The following SIRPG variants were observed in gnomAD, a reference collection of about 807,000 sequenced individuals.
The protein encoded by SIRPG is signal regulatory protein gamma, also known as signal-regulatory protein gamma.
SIRPG carries 38 observed loss-of-function variants against 35.7 expected under a neutral mutation model. The observed-to-expected ratio is 1.06, with a 90% CI of 0.82 to 1.40. SIRPG has a LOEUF of 1.40. Among genes scored for constraint, SIRPG ranks in the 40% most tolerant of loss-of-function variants. The probability of loss-of-function intolerance (pLI) is 0.00; values close to 1 mark genes in which losing one functional copy is unlikely to be tolerated. For missense variants in SIRPG, 519 were observed against 483.0 expected, an observed-to-expected ratio of 1.07 and a Z score of -0.70; for synonymous variants, 215 against 190.4, an observed-to-expected ratio of 1.13 and a Z score of -1.06.
At chr20:1,650,476 T>C (rs2091933932) in intron 1 of SIRPG, among the ~76,000 whole-genome samples, 1 of 151,632 alleles carries the variant, frequency 6.6e-6, no homozygotes, top group Admixed American at 6.6e-5. Flanking sequence ...AGTAGAGGGG[T>C]TCCCCAACAG....
At chr20:1,672,063 A>G in the SIRPG span, among the ~76,000 whole-genome samples, 1 of 152,206 alleles carries the variant, frequency 6.6e-6, no homozygotes. Flanking sequence ...ACAGGGAACA[A>G]TGGTGAAGTG....
chr20:1,679,345 C>T, the SIRPG span, among the ~76,000 whole-genome samples: 10 of 152,188 alleles, frequency 6.6e-5, no homozygotes, highest in Admixed American at 6.5e-4. Context: ...GAGCACCCTA[C>T]CAAATGACCA....
At chr20:1,636,050 A>C (rs2066109050) in intron 3 of SIRPG, 138 bp downstream of exon 3, 1 of 1,236,248 alleles carries the variant, frequency 8.1e-7, no homozygotes, top group Non-Finnish European at 1.1e-6. Context: ...TGACCAGCAC[A>C]CCTAGGTGCA....
the SIRPG span, among the ~76,000 whole-genome samples, chr20:1,680,175 T>C: frequency 6.6e-6 from 1 of 152,136 alleles, no homozygotes; most frequent in Non-Finnish European, 1.5e-5. Flanking sequence ...CAAAAATACC[T>C]CTTCTCTATA....
chr20:1,647,055 T>G (rs2091903107), intron 2 of SIRPG: 1 of 152,408 alleles, frequency 6.6e-6, no homozygotes, highest in Non-Finnish European at 1.5e-5. Context: ...TGAGTGAGTG[T>G]TGCAGAGACA....
the SIRPG span, among the ~76,000 whole-genome samples, chr20:1,685,674 A>C: frequency 2.7e-4 from 41 of 152,274 alleles, no homozygotes; most frequent in African/African-American, 9.6e-4. Flanking sequence ...CTTAAAGAGG[A>C]AGAGGGCACA....
intron 2 of SIRPG, among the ~76,000 whole-genome samples, chr20:1,644,726 C>G (rs188376221): frequency 7.5e-4 from 114 of 152,314 alleles, no homozygotes; most frequent in Middle Eastern, 3.4e-3. Context: ...GAGGGTTGCA[C>G]AGTTCTGTGG....
chr20:1,663,509 T>C, the SIRPG span, among the ~76,000 whole-genome samples: 1 of 152,178 alleles, frequency 6.6e-6, no homozygotes, highest in Non-Finnish European at 1.5e-5. Flanking sequence ...ACTGTCAAAC[T>C]TTAAGGAATT....
chr20:1,635,159 A>C, intron 4 of SIRPG, 108 bp downstream of exon 4: 1 of 919,060 alleles, frequency 1.1e-6, no homozygotes, highest in Non-Finnish European at 1.6e-6. Flanking sequence ...GCTGACATTA[A>C]AATTTTACTT....
At chr20:1,640,334 A>G (rs1332763502) in intron 2 of SIRPG, among the ~76,000 whole-genome samples, 1 of 151,970 alleles carries the variant, frequency 6.6e-6, no homozygotes, top group African/African-American at 2.4e-5. Flanking sequence ...ATCCCTTGTA[A>G]GTTGTATTCC....
At chr20:1,630,455 C>A (rs917329810) in intron 4 of SIRPG, 149 bp from the exon 5 acceptor site, 1 of 619,514 alleles carries the variant, frequency 1.6e-6, no homozygotes, top group South Asian at 2.0e-5. Flanking sequence ...CACTCCAGCA[C>A]AAGGCAGAAG....
chr20:1,668,216 TTTC>T, the SIRPG span, among the ~76,000 whole-genome samples: 30 of 49,848 alleles, frequency 6.0e-4, no homozygotes, highest in South Asian at 1.3e-3. Flanking sequence ...TCTTTCTTTC[TTTC>T]TTTCTTTCTT....
chr20:1,676,781 GC>G, the SIRPG span: 2 of 216,094 alleles, frequency 9.3e-6, no homozygotes. Flanking sequence ...CACTGGACAG[GC>G]CCCACAGGGA....
intron 1 of SIRPG, among the ~76,000 whole-genome samples, chr20:1,654,779 C>A (rs2091964819): frequency 6.6e-6 from 1 of 152,098 alleles, no homozygotes; most frequent in Non-Finnish European, 1.5e-5. Flanking sequence ...ATTTGCAAAC[C>A]ATACATCTGA....
intron 1 of SIRPG, among the ~76,000 whole-genome samples, chr20:1,656,738 T>A (rs2091978498): frequency 6.6e-6 from 1 of 152,148 alleles, no homozygotes; most frequent in African/African-American, 2.4e-5. Flanking sequence ...AAAGTCAAGA[T>A]GACCAAGGGA....
At chr20:1,642,703 G>T (rs967675608) in intron 2 of SIRPG, among the ~76,000 whole-genome samples, 2 of 152,138 alleles carry the variant, frequency 1.3e-5, no homozygotes, top group African/African-American at 4.8e-5. Context: ...TGCAGTGGCT[G>T]GTACCGGTTT....
chr20:1,661,341 C>T (rs574213381), upstream of SIRPG, among the ~76,000 whole-genome samples: 1 of 152,258 alleles, frequency 6.6e-6, no homozygotes, highest in East Asian at 1.9e-4. Flanking sequence ...AATATGACCC[C>T]AGTAAGGGTC....
chr20:1,672,523 G>A, the SIRPG span, among the ~76,000 whole-genome samples: 1 of 152,170 alleles, frequency 6.6e-6, no homozygotes, highest in Non-Finnish European at 1.5e-5. Flanking sequence ...TCATCCTGGA[G>A]TACTTTAAGT....
At chr20:1,632,768 T>C (rs1161172675) in intron 4 of SIRPG, among the ~76,000 whole-genome samples, 1 of 151,734 alleles carries the variant, frequency 6.6e-6, no homozygotes, top group Non-Finnish European at 1.5e-5. Context: ...GCCCCAGCCA[T>C]AAACGGAGGC....
Sources: gnomAD v4.1 joint callset for allele counts (sites outside exome capture counted in the v4.1 genomes callset) on GRCh38, gnomAD v4.1.1 for gene constraint, MANE v1.5 for transcripts, NCBI Gene and HGNC (gene_info 2026-07-23, HGNC 2026-07-21) for gene names.